Variants in HS6ST2 observed in about 807,000 individuals in gnomAD.
The protein encoded by HS6ST2 is heparan-sulfate 6-O-sulfotransferase 2.
A neutral mutation model predicts 33.0 loss-of-function variants in HS6ST2; 17 were observed. That is an observed-to-expected ratio of 0.52 (90% confidence interval 0.35 to 0.77). HS6ST2 has a LOEUF of 0.77. Ranked by LOEUF, HS6ST2 falls within the 30% of genes least tolerant of loss-of-function variation. The pLI is 0.01. For missense variants in HS6ST2, 519 were observed against 551.7 expected, an observed-to-expected ratio of 0.94 and a Z score of 0.59; for synonymous variants, 248 against 237.1, an observed-to-expected ratio of 1.05 and a Z score of -0.42.
At chrX:132,669,903 A>G (rs2063849101) in intron 3 of HS6ST2, 1 of 112,745 alleles carries the variant, frequency 8.9e-6, no homozygotes, top group African/African-American at 3.2e-5. Context: ...AACAAAAAGG[A>G]ATAATTGATT....
intron 2 of HS6ST2, among the ~76,000 whole-genome samples, chrX:132,838,146 C>T (rs779589521): frequency 2.7e-5 from 3 of 111,587 alleles, no homozygotes; most frequent in South Asian, 7.7e-4. Flanking sequence ...AAGCTCTCCC[C>T]GCCCACCCAC....
Position 132,917,051 on chromosome X carries a change from T to C in HS6ST2, c.947+39757A>G, listed in dbSNP as rs764770357. 2.7e-5 allele frequency among the ~76,000 whole-genome samples: 3 copies of C among 112,060 alleles called. No individual in the cohort carries two copies. The South Asian group carries it at 1.1e-3, about 42-fold the overall frequency. ...ACTGCATACATTCTTTTAATATTCC[T>C]GAAATGCCAGTATTAATTGATGGTG... On this transcript the variant is annotated intron_variant, in intron 2 of 4. Coordinates refer to ENST00000370833, the MANE Select transcript of HS6ST2 (RefSeq NM_001394073.1).
intron 2 of HS6ST2, among the ~76,000 whole-genome samples, chrX:132,743,275 G>T (rs888257657): frequency 2.7e-5 from 3 of 112,085 alleles, no homozygotes; most frequent in African/African-American, 9.7e-5. Flanking sequence ...TAGGACCTTG[G>T]GGCTTTCATT....
intron 3 of HS6ST2, among the ~76,000 whole-genome samples, chrX:132,702,837 GA>G (rs1352345047): frequency 9.0e-6 from 1 of 111,573 alleles, no homozygotes; most frequent in African/African-American, 3.3e-5. Context: ...AAACACAAGA[GA>G]AGGGACCTTG....
At chrX:132,870,075 G>A (rs941385800) in intron 2 of HS6ST2, among the ~76,000 whole-genome samples, 9 of 111,027 alleles carry the variant, frequency 8.1e-5, no homozygotes, top group Non-Finnish European at 3.8e-5. Flanking sequence ...AAAGTCTCAG[G>A]ATACAAAATC....
intron 2 of HS6ST2, among the ~76,000 whole-genome samples, chrX:132,757,019 G>A (rs1383838722): frequency 2.7e-5 from 3 of 111,519 alleles, no homozygotes; most frequent in Non-Finnish European, 5.6e-5. Context: ...AGTGGTCTCA[G>A]AAAACGTAAA....
chrX:132,773,171 A>G (rs1253893684), intron 2 of HS6ST2, among the ~76,000 whole-genome samples: 1 of 100,413 alleles, frequency 1.0e-5, no homozygotes, highest in Non-Finnish European at 2.0e-5. Flanking sequence ...ATACTATATA[A>G]TATATATTAA....
chrX:132,857,741 T>C (rs2065867540), intron 2 of HS6ST2, among the ~76,000 whole-genome samples: 1 of 111,653 alleles, frequency 9.0e-6, no homozygotes, highest in Non-Finnish European at 1.9e-5. Context: ...TGGACAAGAA[T>C]AGAAAGTTCC....
At chrX:132,797,123 C>CA (rs1359723777) in intron 2 of HS6ST2, among the ~76,000 whole-genome samples, 1 of 111,157 alleles carries the variant, frequency 9.0e-6, no homozygotes, top group African/African-American at 3.3e-5. Context: ...GGGCTCAATT[C>CA]AAAGGAATAA....
chrX:132,739,667 A>T (rs1472521458), intron 2 of HS6ST2, among the ~76,000 whole-genome samples: 3 of 106,731 alleles, frequency 2.8e-5, no homozygotes, highest in African/African-American at 1.0e-4. Context: ...GTGAGCCAAG[A>T]TCACATCACT....
At chrX:132,833,689 T>C (rs1379468006) in intron 2 of HS6ST2, among the ~76,000 whole-genome samples, 1 of 109,399 alleles carries the variant, frequency 9.1e-6, no homozygotes, top group African/African-American at 3.3e-5. Context: ...AACATTCCAC[T>C]CTCCCCAATG....
At chrX:132,754,820 T>TC (rs938419714) in intron 2 of HS6ST2, among the ~76,000 whole-genome samples, 7 of 110,499 alleles carry the variant, frequency 6.3e-5, no homozygotes, top group African/African-American at 2.3e-4. Context: ...CAAGTGATCC[T>TC]CCCATGTCAG....
intron 4 of HS6ST2, among the ~76,000 whole-genome samples, chrX:132,662,206 T>G (rs1289701477): frequency 9.4e-6 from 1 of 106,602 alleles, no homozygotes; most frequent in Non-Finnish European, 1.9e-5. Context: ...GCCAGAAAAA[T>G]GGGGTGGAAG....
intron 2 of HS6ST2, among the ~76,000 whole-genome samples, chrX:132,779,361 A>T (rs1429374529): frequency 8.9e-6 from 1 of 112,100 alleles, no homozygotes; most frequent in African/African-American, 3.2e-5. Flanking sequence ...TAATCTAAGA[A>T]TTAGTGAAAA....
At chrX:132,943,778 T>G (rs1272217896) in intron 2 of HS6ST2, among the ~76,000 whole-genome samples, 1 of 111,775 alleles carries the variant, frequency 8.9e-6, no homozygotes, top group Non-Finnish European at 1.9e-5. Context: ...TCTCAATAGA[T>G]GCAGAAAAGG....
At chrX:132,944,209 C>G (rs1437042285) in intron 2 of HS6ST2, among the ~76,000 whole-genome samples, 1 of 111,339 alleles carries the variant, frequency 9.0e-6, no homozygotes, top group Non-Finnish European at 1.9e-5. Flanking sequence ...TTCTTATACA[C>G]CAATAACATA....
intron 2 of HS6ST2, among the ~76,000 whole-genome samples, chrX:132,769,328 C>G (rs940047290): frequency 2.7e-5 from 3 of 112,130 alleles, no homozygotes; most frequent in Non-Finnish European, 3.8e-5. Context: ...TTCAGAAGGG[C>G]CTGCAGCATT....
chrX:132,845,408 C>G (rs970680275), intron 2 of HS6ST2, among the ~76,000 whole-genome samples: 2 of 110,965 alleles, frequency 1.8e-5, no homozygotes, highest in African/African-American at 6.5e-5. Context: ...AAGGGAAGAA[C>G]ATAATTTAGC....
chrX:132,673,485 C>G (rs748316864), intron 3 of HS6ST2, among the ~76,000 whole-genome samples: 1 of 112,633 alleles, frequency 8.9e-6, no homozygotes, highest in Non-Finnish European at 1.9e-5. Flanking sequence ...CTCAAGCAAG[C>G]TTGCTTGGAT....
Sources: allele counts gnomAD v4.1 joint callset (sites outside exome capture counted in the v4.1 genomes callset), GRCh38; gene constraint gnomAD v4.1.1; transcripts MANE v1.5; gene names NCBI Gene and HGNC (gene_info 2026-07-23, HGNC 2026-07-21).